SORCS2: variants seen among roughly 807,000 people sequenced by gnomAD.
SORCS2 encodes the protein sortilin related VPS10 domain containing receptor 2, also known as VPS10 domain-containing receptor SorCS2.
A neutral mutation model predicts 141.6 loss-of-function variants in SORCS2; 100 were observed. The observed-to-expected ratio is 0.71, with a 90% CI of 0.60 to 0.83. The LOEUF (loss-of-function observed/expected upper bound fraction) is 0.83. Among genes scored for constraint, SORCS2 ranks in the 40% least tolerant of loss-of-function variants. SORCS2 has a pLI of 0.00. For synonymous variants in SORCS2, 789 were observed against 676.9 expected (o/e 1.17, Z -2.57); for missense variants, 1,646 against 1,560.2 (o/e 1.05, Z -0.93).
At chr4:7,398,290 C>G (rs1179010840) in intron 2 of SORCS2, among the ~76,000 whole-genome samples, 1 of 152,152 alleles carries the variant, frequency 6.6e-6, no homozygotes, top group Admixed American at 6.5e-5. Flanking sequence ...ACAGCTGCTC[C>G]AAGGGTGGGG....
intron 10 of SORCS2, among the ~76,000 whole-genome samples, chr4:7,684,425 G>T (rs904596374): frequency 6.6e-6 from 1 of 152,128 alleles, no homozygotes; most frequent in African/African-American, 2.4e-5. Context: ...CCAAGGCCTA[G>T]AATGCCCTTT....
chr4:7,430,930 C>A (rs1392787849), intron 2 of SORCS2: 1 of 152,380 alleles, frequency 6.6e-6, no homozygotes. Context: ...GTCCCTTGCT[C>A]CTCCTGCCTC....
At chr4:7,577,917 C>T (rs893703989) in intron 3 of SORCS2, among the ~76,000 whole-genome samples, 1 of 150,920 alleles carries the variant, frequency 6.6e-6, no homozygotes, top group Non-Finnish European at 1.5e-5. Context: ...CAGGCGAAGT[C>T]AGCTAGTGCC....
intron 1 of SORCS2, among the ~76,000 whole-genome samples, chr4:7,225,342 A>G (rs1201349833): frequency 6.6e-6 from 1 of 152,196 alleles, no homozygotes; most frequent in Non-Finnish European, 1.5e-5. Context: ...TGTGTGCTGT[A>G]CCCAGCCCTG....
At chr4:7,538,132 G>T (rs1417631355) in intron 3 of SORCS2, among the ~76,000 whole-genome samples, 1 of 152,222 alleles carries the variant, frequency 6.6e-6, no homozygotes, top group East Asian at 1.9e-4. Flanking sequence ...TTGGATAATG[G>T]ATAGGTTTTG....
intron 3 of SORCS2, among the ~76,000 whole-genome samples, chr4:7,619,763 A>G (rs16840716): frequency 0.12 from 18,688 of 152,206 alleles, 1,758 homozygotes; most frequent in African/African-American, 0.25. Flanking sequence ...ACACACAGGT[A>G]TCAGGCCGAT....
chr4:7,438,167 C>G (rs1478452441), intron 2 of SORCS2, among the ~76,000 whole-genome samples: 1 of 152,234 alleles, frequency 6.6e-6, no homozygotes, highest in Admixed American at 6.5e-5. Flanking sequence ...AGTCCAGGCT[C>G]ACACGATGCA....
intron 1 of SORCS2, among the ~76,000 whole-genome samples, chr4:7,234,111 T>C (rs1712095120): frequency 6.6e-6 from 1 of 152,146 alleles, no homozygotes; most frequent in Non-Finnish European, 1.5e-5. Flanking sequence ...ACAAGGACCT[T>C]GATCCCCCAC....
intron 2 of SORCS2, among the ~76,000 whole-genome samples, chr4:7,498,213 A>G (rs1224342899): frequency 6.6e-6 from 1 of 152,102 alleles, no homozygotes; most frequent in Non-Finnish European, 1.5e-5. Flanking sequence ...TGAGATGTGG[A>G]CCCCTGATGG....
chr4:7,717,106 C>T (rs1726242732), intron 17 of SORCS2, among the ~76,000 whole-genome samples: 1 of 152,228 alleles, frequency 6.6e-6, no homozygotes, highest in African/African-American at 2.4e-5. Flanking sequence ...AAGTAGCAAG[C>T]TGGATGAGGC....
intron 1 of SORCS2, among the ~76,000 whole-genome samples, chr4:7,246,163 C>A (rs896000769): frequency 6.6e-6 from 1 of 152,182 alleles, no homozygotes; most frequent in Admixed American, 6.5e-5. Context: ...CAGCCACAGC[C>A]GTGCAGAAAA....
chr4:7,336,175 C>A (rs891728677), intron 1 of SORCS2, among the ~76,000 whole-genome samples: 1 of 152,334 alleles, frequency 6.6e-6, no homozygotes, highest in African/African-American at 2.4e-5. Context: ...GGCCCCGCTG[C>A]CCCTGCCCTG....
intron 10 of SORCS2, among the ~76,000 whole-genome samples, chr4:7,685,933 T>C (rs189897273): frequency 7.0e-4 from 107 of 152,250 alleles, no homozygotes; most frequent in African/African-American, 2.5e-3. Flanking sequence ...CAGAAAGGTA[T>C]AAAAAGGGAA....
intron 3 of SORCS2, among the ~76,000 whole-genome samples, chr4:7,603,209 C>G (rs1446993524): frequency 6.6e-6 from 1 of 151,920 alleles, no homozygotes; most frequent in Non-Finnish European, 1.5e-5. Context: ...AGAGGGAGAG[C>G]TAAACGTCAT....
At chr4:7,560,497 G>A (rs1277830692) in intron 3 of SORCS2, among the ~76,000 whole-genome samples, 1 of 152,152 alleles carries the variant, frequency 6.6e-6, no homozygotes, top group East Asian at 1.9e-4. Context: ...TGACAGTGCT[G>A]CTCCCGGGAA....
At chr4:7,479,669 G>A (rs1730509109) in intron 2 of SORCS2, among the ~76,000 whole-genome samples, 2 of 150,182 alleles carry the variant, frequency 1.3e-5, no homozygotes, top group African/African-American at 5.0e-5. Flanking sequence ...TTGCATCGGG[G>A]GGCCGTGTCC....
rs1715906705 is a variant in SORCS2 at position 7,281,841 on chromosome 4, T to C, written c.480+88715T>C. On this transcript the variant is annotated intron_variant, in intron 1 of 26. Coordinates refer to ENST00000507866, the MANE Select transcript of SORCS2 (RefSeq NM_020777.3). Reference sequence around the variant, plus strand: ...TTCAGTGCCGTCTGTGGGTGGGGGCTGGGTTCCTTCTTATTCCTTTGCATG... The same window carrying C: ...TTCAGTGCCGTCTGTGGGTGGGGGCCGGGTTCCTTCTTATTCCTTTGCATG... Among the ~76,000 whole-genome samples, 4 of 152,186 alleles carry C rather than the reference T, an allele frequency of 2.6e-5. No individual in the cohort carries two copies. The South Asian group carries it at 8.3e-4, about 32-fold the overall frequency.
chr4:7,352,497 G>A (rs60030877), intron 1 of SORCS2, among the ~76,000 whole-genome samples: 33,479 of 152,178 alleles, frequency 0.22, 4,076 homozygotes, highest in East Asian at 0.44. Flanking sequence ...TTGTGAGCTG[G>A]GGTTGGGTGT....
chr4:7,271,789 A>G (rs1715146761), intron 1 of SORCS2, among the ~76,000 whole-genome samples: 1 of 152,250 alleles, frequency 6.6e-6, no homozygotes, highest in Non-Finnish European at 1.5e-5. Flanking sequence ...CAGGTGGAGA[A>G]GAGCTGCAAG....
Sources: allele counts gnomAD v4.1 joint callset (sites outside exome capture counted in the v4.1 genomes callset), GRCh38; gene constraint gnomAD v4.1.1; transcripts MANE v1.5; gene names NCBI Gene and HGNC (gene_info 2026-07-23, HGNC 2026-07-21).